Variants in EFCAB13 observed in about 807,000 individuals in gnomAD.
EFCAB13 encodes EF-hand calcium-binding domain-containing protein 13.
In EFCAB13, 91 loss-of-function variants were observed where a neutral mutation model predicts 110.2. The observed-to-expected ratio is 0.83, with a 90% confidence interval of 0.70 to 0.98. The LOEUF (loss-of-function observed/expected upper bound fraction) is 0.98. Ranked by LOEUF, EFCAB13 falls within the 50% of genes least tolerant of loss-of-function variation. The probability of loss-of-function intolerance (pLI) is 0.00; values close to 1 mark genes in which losing one functional copy is unlikely to be tolerated. For missense variants in EFCAB13, 968 were observed against 1,119.4 expected (o/e 0.86, Z 1.93); for synonymous variants, 323 against 369.9 (o/e 0.87, Z 1.45).
chr17:47,355,459 C>T (rs1046571104), intron 9 of EFCAB13, among the ~76,000 whole-genome samples: 9 of 152,072 alleles, frequency 5.9e-5, no homozygotes, highest in Admixed American at 2.0e-4. Flanking sequence ...CTCGATTATT[C>T]CCTCAAATAT....
At chr17:47,409,104 T>A (rs1034319454) in intron 20 of EFCAB13, among the ~76,000 whole-genome samples, 5 of 151,952 alleles carry the variant, frequency 3.3e-5, no homozygotes, top group Admixed American at 2.6e-4. Context: ...TACAATAGAG[T>A]CCATCTATGC....
rs1271826919 is a variant in EFCAB13 at position 47,409,756 on chromosome 17, C to T, written c.2278+65C>T. 8.0e-6 allele frequency: 10 copies of T among 1,242,890 alleles called. No individual in the cohort carries two copies. The East Asian group carries it at 2.3e-4, about 29-fold the overall frequency. The allele number at this position is 1,242,890 out of a possible 1,614,324, so 77.0% of individuals were successfully genotyped here. ...AAGAGATATTTTTTAGAATAATTGCCAAGTACCAATGTATTTCTCATTTTT... is the reference window on the plus strand; with the variant it reads ...AAGAGATATTTTTTAGAATAATTGCTAAGTACCAATGTATTTCTCATTTTT... On this transcript the variant is annotated intron_variant, in intron 21 of 24. Transcript: ENST00000331493.
At chr17:47,337,125 A>G (rs2065355734) in intron 5 of EFCAB13, among the ~76,000 whole-genome samples, 1 of 152,254 alleles carries the variant, frequency 6.6e-6, no homozygotes, top group Non-Finnish European at 1.5e-5. Context: ...TTTCTAGAAG[A>G]CTACAATAAA....
At chr17:47,397,335 G>A (rs2143428250) in intron 17 of EFCAB13, among the ~76,000 whole-genome samples, 1 of 152,296 alleles carries the variant, frequency 6.6e-6, no homozygotes. Context: ...CCAGGCTGGA[G>A]TGCAGTGGCA....
rs142165608 is a variant in EFCAB13 at position 47,363,031 on chromosome 17, C to T, written c.805+1510C>T. The stretch of plus-strand genomic sequence containing the variant: ...TTCTACACTCTCTCGTCTCCGCACA[C>T]GGGGAGAAAACCCACTGACCCTGTG... On this transcript the variant is annotated intron_variant, in intron 10 of 24. Coordinates refer to ENST00000331493, the MANE Select transcript of EFCAB13 (RefSeq NM_152347.5). Among the ~76,000 whole-genome samples the T allele has an allele frequency of 6.6e-4, 100 of 152,258 alleles. 2 individuals are homozygous for T. Among genetic ancestry groups the T allele is most frequent in the Middle Eastern group, 3.4e-3 (1 of 294 alleles).
chr17:47,387,269 A>C (rs1475857744), intron 14 of EFCAB13, among the ~76,000 whole-genome samples: 1 of 152,150 alleles, frequency 6.6e-6, no homozygotes, highest in Admixed American at 6.5e-5. Context: ...TGCTGATGAG[A>C]ATAATGTGTA....
chr17:47,391,986 AT>A (rs2065710891), intron 15 of EFCAB13, among the ~76,000 whole-genome samples: 3 of 152,156 alleles, frequency 2.0e-5, no homozygotes, highest in African/African-American at 7.2e-5. Flanking sequence ...AAGTTAAACC[AT>A]TTTTGAGTAT....
At chr17:47,371,524 T>C (rs559363234) in intron 11 of EFCAB13, among the ~76,000 whole-genome samples, 1 of 152,338 alleles carries the variant, frequency 6.6e-6, no homozygotes, top group East Asian at 1.9e-4. Context: ...TTGTTGGCTT[T>C]GTTGCTTTGT....
At chr17:47,351,279 C>CTGTGTGTGTGTGTG (rs140772791) in intron 9 of EFCAB13, among the ~76,000 whole-genome samples, 1,696 of 127,812 alleles carry the variant, frequency 0.013, 16 homozygotes, top group African/African-American at 0.028. Context: ...TAGTATTCCA[C>CTGTGTGTGTGTGTG]TGTGTGTGTG....
chr17:47,330,036 T>C (rs758115579), intron 4 of EFCAB13: 7 of 152,284 alleles, frequency 4.6e-5, no homozygotes, highest in Non-Finnish European at 7.4e-5. Flanking sequence ...GTCTGTGTAA[T>C]CTTCATGGTC....
intron 15 of EFCAB13, among the ~76,000 whole-genome samples, chr17:47,393,715 CAAAA>C (rs2065721233): frequency 4.6e-5 from 4 of 86,816 alleles, no homozygotes; most frequent in Admixed American, 2.3e-4. Flanking sequence ...GACTCTTTCT[CAAAA>C]ATAAATAAAT....
intron 3 of EFCAB13, among the ~76,000 whole-genome samples, chr17:47,327,830 T>G (rs1451128268): frequency 6.6e-6 from 1 of 152,110 alleles, no homozygotes. Context: ...AGGCTTGGAG[T>G]TAAATTGTCT....
intron 9 of EFCAB13, among the ~76,000 whole-genome samples, chr17:47,350,414 TATC>T (rs747065538): frequency 1.5e-4 from 23 of 152,192 alleles, no homozygotes; most frequent in Admixed American, 2.6e-4. Context: ...CTCTTCCTAT[TATC>T]AAATGAATCT....
intron 10 of EFCAB13, among the ~76,000 whole-genome samples, chr17:47,367,715 A>G (rs1008202337): frequency 1.3e-5 from 2 of 152,322 alleles, no homozygotes; most frequent in Admixed American, 6.5e-5. Context: ...GCTCCAGGCC[A>G]TCGACTTTCA....
chr17:47,384,672 ACT>A (rs1259466993), intron 14 of EFCAB13, among the ~76,000 whole-genome samples: 1 of 150,586 alleles, frequency 6.6e-6, no homozygotes, highest in Admixed American at 6.6e-5. Context: ...ATTGGCCCCC[ACT>A]CTCTTTTGGC....
chr17:47,369,041 A>G (rs1341119513), intron 10 of EFCAB13, among the ~76,000 whole-genome samples: 4 of 152,214 alleles, frequency 2.6e-5, no homozygotes, highest in Non-Finnish European at 5.9e-5. Flanking sequence ...TATGTGGCAG[A>G]TATAGAATTC....
At chr17:47,424,377 AGTTCCCAGC>A (rs1904854799) in intron 23 of EFCAB13, among the ~76,000 whole-genome samples, 1 of 152,218 alleles carries the variant, frequency 6.6e-6, no homozygotes. Context: ...TGTGGATCAT[AGTTCCCAGC>A]GTGAGGAAAA....
chr17:47,396,802 T>G (rs2065740820), intron 17 of EFCAB13, among the ~76,000 whole-genome samples: 1 of 152,088 alleles, frequency 6.6e-6, no homozygotes, highest in African/African-American at 2.4e-5. Flanking sequence ...TATTGGAAGA[T>G]TTGAGGTGAA....
intron 9 of EFCAB13, among the ~76,000 whole-genome samples, chr17:47,356,629 G>A (rs545879709): frequency 1.0e-3 from 155 of 152,328 alleles, no homozygotes; most frequent in African/African-American, 3.5e-3. Flanking sequence ...GAGGTAGCAG[G>A]GGAGTGAAGT....
Sources: gnomAD v4.1 joint callset for allele counts (sites outside exome capture counted in the v4.1 genomes callset) on GRCh38, gnomAD v4.1.1 for gene constraint, MANE v1.5 for transcripts, NCBI Gene and HGNC (gene_info 2026-07-23, HGNC 2026-07-21) for gene names.